CTSK: variants seen among roughly 807,000 people sequenced by gnomAD.
CTSK encodes the protein cathepsin O.
In CTSK, 26 loss-of-function variants were observed where a neutral mutation model predicts 40.5. The observed-to-expected ratio is 0.64, with a 90% confidence interval of 0.47 to 0.89. CTSK has a LOEUF of 0.89. CTSK is among the 40% of genes least tolerant of loss of function. CTSK has a pLI of 0.00. For missense variants in CTSK, 292 were observed against 400.1 expected (o/e 0.73, Z 2.30); for synonymous variants, 132 against 143.2 (o/e 0.92, Z 0.56).
intron 2 of CTSK, 60 bp from the exon 3 acceptor site, chr1:150,806,284 G>A (rs1557826662): frequency 4.4e-6 from 7 of 1,586,650 alleles, no homozygotes; most frequent in Non-Finnish European, 6.0e-6. Flanking sequence ...GTAATATTGT[G>A]AAGGGTTTTA....
Position 150,806,822 on chromosome 1 carries a change from G to A in CTSK, c.-1-16C>T, listed in dbSNP as rs2101954180. 6.2e-7 allele frequency: 1 copy of A among 1,613,114 alleles called. No individual in the cohort carries two copies. Among genetic ancestry groups the A allele is most frequent in the Non-Finnish European group, 8.5e-7 (1 of 1,180,004 alleles). ...CCCCCACATCCTGCAGAAGAATGTA[G>A]TTAGGGAAAACTCTTCCATTTGGCA... is the stretch of plus-strand genomic sequence containing the variant. On this transcript the variant is annotated splice_polypyrimidine_tract_variant and intron_variant, in intron 1 of 7. Transcript: ENST00000271651.
At position 150,796,692 on chromosome 1, in the gene CTSK, A is replaced by G. The variant is rs199537516; in HGVS notation, c.*107T>C. The G allele has an allele frequency of 1.2e-6, 1 of 831,242 alleles. No individual in the cohort carries two copies. The allele number at this position is 831,242 out of a possible 1,614,324, so 51.5% of individuals were successfully genotyped here. A position where few individuals can be genotyped will look rare whatever the true frequency, so the allele number is the denominator to read the frequency against. On this transcript the variant is annotated 3_prime_UTR_variant, in exon 8 of 8. Coordinates refer to ENST00000271651, the MANE Select transcript of CTSK (RefSeq NM_000396.4). ...AAACTGAACAGACAATCTCAGTATC[A>G]CCACATCTGCTTCAAAAATAGCACA...
At chr1:150,806,288 G>T in intron 2 of CTSK, 64 bp from the exon 3 acceptor site, 1 of 1,569,284 alleles carries the variant, frequency 6.4e-7, no homozygotes, top group Non-Finnish European at 8.7e-7. Flanking sequence ...TATTGTGAAG[G>T]GTTTTAGGAG....
intron 5 of CTSK, among the ~76,000 whole-genome samples, chr1:150,803,635 C>A (rs587654282): frequency 6.6e-6 from 1 of 152,260 alleles, no homozygotes; most frequent in African/African-American, 2.4e-5. Flanking sequence ...ACATAATTTG[C>A]TGAAATGTTC....
intron 7 of CTSK, 69 bp downstream of exon 7, chr1:150,799,099 G>T: frequency 9.8e-7 from 1 of 1,016,526 alleles, no homozygotes; most frequent in Non-Finnish European, 1.6e-6. Context: ...AAGGAATATC[G>T]GGAAGCTGGA....
chr1:150,801,920 G>A (rs1264037613), intron 5 of CTSK, among the ~76,000 whole-genome samples: 1 of 151,966 alleles, frequency 6.6e-6, no homozygotes, highest in Non-Finnish European at 1.5e-5. Flanking sequence ...ACATAGTATT[G>A]TATCCAAATA....
Position 150,796,645 on chromosome 1 carries a change from T to C in CTSK, c.*154A>G. On this transcript the variant is annotated 3_prime_UTR_variant, in exon 8 of 8. Transcript: ENST00000271651. The stretch of plus-strand genomic sequence containing the variant: ...GAGAGAAGCAAAGTAGGAAGGATCA[T>C]TTGAAGCACAAACAAATGGGGAAAC... The C allele has an allele frequency of 1.3e-6, 1 of 761,470 alleles. No homozygotes were observed. The highest frequency in any genetic ancestry group is 2.4e-6 in the Non-Finnish European group (1 of 417,730). 47.2% of individuals were successfully genotyped at this position (761,470 alleles called of 1,614,324 possible).
At chr1:150,802,880 AG>A (rs1375682684) in intron 5 of CTSK, among the ~76,000 whole-genome samples, 1 of 152,218 alleles carries the variant, frequency 6.6e-6, no homozygotes, top group Non-Finnish European at 1.5e-5. Flanking sequence ...CCTGGGCAAC[AG>A]AGTAAGACCC....
chr1:150,801,769 G>C (rs1260608749), intron 5 of CTSK, among the ~76,000 whole-genome samples: 2 of 151,160 alleles, frequency 1.3e-5, no homozygotes, highest in African/African-American at 4.9e-5. Context: ...TTGATCTCCT[G>C]ACCTTGTGAT....
chr1:150,807,080 T>TCTCTCA (rs1491280032), intron 1 of CTSK, among the ~76,000 whole-genome samples: 1 of 69,552 alleles, frequency 1.4e-5, no homozygotes, highest in African/African-American at 3.7e-5. Context: ...TCTCTCTCTC[T>TCTCTCA]CACACACACA....
intron 5 of CTSK, chr1:150,800,701 G>C (rs1050784062): frequency 5.4e-6 from 1 of 183,710 alleles, no homozygotes; most frequent in African/African-American, 2.4e-5. Flanking sequence ...TACTCAGCAG[G>C]CTGAGGCAGG....
chr1:150,803,889 G>A, intron 5 of CTSK, 132 bp downstream of exon 5: 1 of 855,684 alleles, frequency 1.2e-6, no homozygotes, highest in Non-Finnish European at 2.0e-6. Context: ...GGCCTTCTGT[G>A]GGAAATTATT....
chr1:150,806,271 T>C (rs750165917), intron 2 of CTSK, 47 bp from the exon 3 acceptor site: 3 of 1,603,508 alleles, frequency 1.9e-6, no homozygotes, highest in Non-Finnish European at 2.6e-6. Context: ...TACAGTTACA[T>C]ATGTAATATT....
chr1:150,798,321 C>A (rs150003732), intron 7 of CTSK, among the ~76,000 whole-genome samples: 87 of 152,256 alleles, frequency 5.7e-4, no homozygotes, highest in African/African-American at 1.9e-3. Flanking sequence ...GAATATTAAA[C>A]CTTTACGCTG....
chr1:150,806,781 G>A lies in CTSK; in HGVS notation c.25C>T (p.Leu9=). Residue 9 remains leucine (L), a synonymous_variant, in exon 2 of 8, where the codon CTA becomes TTA. Transcript: ENST00000271651. ...TACAGAGCAAAGCTCACCACAGGTA[G>A]CAGCAGAACCTTGAGCCCCCACATC... MWGLKVLL[L]PVVSFALYPE... is the part of the protein sequence containing the mutation. 6.2e-7 allele frequency: 1 copy of A among 1,614,058 alleles called. No individual in the cohort carries two copies. The highest frequency in any genetic ancestry group is 1.7e-5 in the Admixed American group (1 of 60,016).
chr1:150,796,954 A>G, intron 7 of CTSK, 56 bp from the exon 8 acceptor site: 1 of 1,179,404 alleles, frequency 8.5e-7, no homozygotes, highest in Admixed American at 1.7e-5. Flanking sequence ...ATTCATTAAA[A>G]TATTTACTGA....
chr1:150,803,916 A>G, intron 5 of CTSK, 105 bp downstream of exon 5: 7 of 1,011,160 alleles, frequency 6.9e-6, no homozygotes, highest in Non-Finnish European at 3.1e-6. Flanking sequence ...AGAAAGCAGG[A>G]TAGGATAACA....
At chr1:150,798,831 T>G (rs1467633540) in intron 7 of CTSK, among the ~76,000 whole-genome samples, 1 of 152,238 alleles carries the variant, frequency 6.6e-6, no homozygotes, top group East Asian at 1.9e-4. Flanking sequence ...GTGACATGCC[T>G]GCTCCCTCTT....
At position 150,804,102 on chromosome 1, in the gene CTSK, C is replaced by A; in HGVS notation, c.537G>T (p.Gly179=). ...DCVSENDGCG[G]GYMTNAFQYV... ...ATTGGAAGGCATTGGTCATGTAGCC[C>A]CCTCCACAGCCATCATTCTCAGACA... The change falls in exon 5 of 8, where the codon GGG becomes GGT. Residue 179 remains glycine (G), a synonymous_variant. Coordinates refer to ENST00000271651, the MANE Select transcript of CTSK (RefSeq NM_000396.4). 6.2e-7 allele frequency: 1 copy of A among 1,614,072 alleles called. No individual in the cohort carries two copies. Among genetic ancestry groups the A allele is most frequent in the Non-Finnish European group, 8.5e-7 (1 of 1,180,010 alleles).
Sources: allele counts gnomAD v4.1 joint callset (sites outside exome capture counted in the v4.1 genomes callset), GRCh38; gene constraint gnomAD v4.1.1; transcripts MANE v1.5; gene names NCBI Gene and HGNC (gene_info 2026-07-23, HGNC 2026-07-21).